The following NRG1 variants were observed in gnomAD, a reference collection of about 807,000 sequenced individuals.
The protein encoded by NRG1 is neuregulin 1, also known as pro-neuregulin-1, membrane-bound isoform.
A neutral mutation model predicts 63.8 loss-of-function variants in NRG1; 18 were observed. The observed-to-expected ratio is 0.28, with a 90% CI of 0.19 to 0.42. NRG1 has a LOEUF of 0.42. Ranked by LOEUF, NRG1 falls within the 10% of genes least tolerant of loss-of-function variation. NRG1 has a pLI of 1.00. For missense variants in NRG1, 762 were observed against 814.7 expected, an observed-to-expected ratio of 0.94 and a Z score of 0.79; for synonymous variants, 302 against 301.3, an observed-to-expected ratio of 1.00 and a Z score of -0.02.
chr8:31,689,120 G>A (rs143750173), intron 1 of NRG1, among the ~76,000 whole-genome samples: 24 of 152,210 alleles, frequency 1.6e-4, no homozygotes, highest in African/African-American at 5.3e-4. Context: ...ATTTCATGGG[G>A]CCCACCCAGA....
intron 1 of NRG1, among the ~76,000 whole-genome samples, chr8:31,770,982 T>C (rs1818568113): frequency 6.6e-6 from 1 of 152,054 alleles, no homozygotes; most frequent in Admixed American, 6.6e-5. Context: ...AACTAAACCA[T>C]AGATCTTTTC....
chr8:31,796,832 T>C (rs1248145168), intron 1 of NRG1, among the ~76,000 whole-genome samples: 6 of 152,150 alleles, frequency 3.9e-5, no homozygotes, highest in Non-Finnish European at 7.3e-5. Flanking sequence ...GAAATGTTTT[T>C]TTTCCAACCA....
chr8:32,021,058 C>T (rs755396224), intron 1 of NRG1, among the ~76,000 whole-genome samples: 9 of 152,038 alleles, frequency 5.9e-5, no homozygotes, highest in Non-Finnish European at 8.8e-5. Flanking sequence ...GTTGAAATTG[C>T]GTTATATGTT....
At chr8:31,819,741 C>G (rs1237097184) in intron 1 of NRG1, among the ~76,000 whole-genome samples, 1 of 152,266 alleles carries the variant, frequency 6.6e-6, no homozygotes, top group African/African-American at 2.4e-5. Flanking sequence ...TGACCTGAGC[C>G]AATTTCCTCT....
rs143504540 is a variant in NRG1 at position 32,620,680 on chromosome 8, C to T, written c.502+3795C>T. On this transcript the variant is annotated intron_variant, in intron 5 of 11. Transcript: ENST00000356819. The stretch of plus-strand genomic sequence containing the variant: ...TCTATAAAAAAATAAAGAAATTAGC[C>T]AGGCTTGGTGGCAGCCCTGAAGTCT... Among the ~76,000 whole-genome samples the T allele has an allele frequency of 8.8e-4, 134 of 151,798 alleles. 1 individual carries two copies. The highest frequency in any genetic ancestry group is 1.4e-3 in the Non-Finnish European group (92 of 67,918).
At chr8:32,450,377 T>C (rs893726566) in intron 1 of NRG1, among the ~76,000 whole-genome samples, 2 of 151,948 alleles carry the variant, frequency 1.3e-5, no homozygotes, top group East Asian at 1.9e-4. Context: ...GAATAGCCAC[T>C]GCACTCCTGC....
In NRG1 at chr8:32,101,024, C is replaced by T. The variant is rs1460111206; in HGVS notation, c.37+461593C>T. 9.6e-5 allele frequency among the ~76,000 whole-genome samples: 5 copies of T among 51,850 alleles called. No individual in the cohort carries two copies. In the Admixed American group the frequency reaches 1.1e-3, roughly 11 times the overall value. 34.0% of individuals were successfully genotyped at this position (51,850 alleles called of 152,430 possible). Reference sequence around the variant, plus strand: ...TTAGTGCCAAAATTTGTATTTATTCCCATATTGCTTTTTTTTTCCTAGGCA... The same window carrying T: ...TTAGTGCCAAAATTTGTATTTATTCTCATATTGCTTTTTTTTTCCTAGGCA... On this transcript the variant is annotated intron_variant, in intron 1 of 10. Coordinates refer to the NRG1 transcript ENST00000519301.
At chr8:32,244,999 A>G (rs564231565) in intron 1 of NRG1, among the ~76,000 whole-genome samples, 12 of 152,288 alleles carry the variant, frequency 7.9e-5, no homozygotes, top group Non-Finnish European at 1.5e-4. Context: ...TCTTGAAGCT[A>G]GGATGTCAAT....
At position 32,124,870 on chromosome 8, in the gene NRG1, A is replaced by G. The variant is rs539447932; in HGVS notation, c.38-470958A>G. 1.1e-4 allele frequency among the ~76,000 whole-genome samples: 16 copies of G among 152,026 alleles called. No homozygotes were observed. In the South Asian group the frequency reaches 1.7e-3, roughly 16 times the overall value. ...CAGTTAATTCTCTTAATAACCTATG[A>G]CATCAGCTCTATTATTAACCTCATT... On this transcript the variant is annotated intron_variant, in intron 1 of 10. Transcript: ENST00000519301.
At chr8:31,989,003 C>T (rs899161033) in intron 1 of NRG1, among the ~76,000 whole-genome samples, 2 of 151,942 alleles carry the variant, frequency 1.3e-5, no homozygotes, top group Non-Finnish European at 1.5e-5. Flanking sequence ...AATCCCAGCA[C>T]TTTAGGAGGC....
rs1023962426 is a variant in NRG1 at position 32,760,581 on chromosome 8, C to T, written c.1259+175C>T. 85 of 1,417,564 alleles carry T rather than the reference C, an allele frequency of 6.0e-5. 1 individual carries two copies. In the South Asian group the frequency reaches 9.8e-4, roughly 16 times the overall value. 87.8% of individuals were successfully genotyped at this position (1,417,564 alleles called of 1,614,324 possible). A position where few individuals can be genotyped will look rare whatever the true frequency, so the allele number is the denominator to read the frequency against. On this transcript the variant is annotated intron_variant, in intron 11 of 11. Transcript: ENST00000356819. ...TCTCTTTGTTTGACGGAACTTATTT[C>T]TTCTGAGCTTCTCTCGTCGTCCCAG...
In NRG1 at chr8:32,541,874, G is replaced by A. The variant is rs181692239; in HGVS notation, c.38-53954G>A. Among the ~76,000 whole-genome samples the A allele has an allele frequency of 1.2e-3, 177 of 152,288 alleles. 1 individual carries two copies. The highest frequency in any genetic ancestry group is 4.2e-3 in the Admixed American group (64 of 15,290). On this transcript the variant is annotated intron_variant, in intron 1 of 10. Transcript: ENST00000519301. ...GAGATTAAATCGAAACTCAAAGATA[G>A]TTCTAAGGTGTTTACTGGGTGTCAC...
intron 1 of NRG1, among the ~76,000 whole-genome samples, chr8:31,942,800 A>C (rs1801950810): frequency 6.6e-6 from 1 of 152,030 alleles, no homozygotes; most frequent in Admixed American, 6.5e-5. Flanking sequence ...GCTCAACATC[A>C]CTAATTATCA....
intron 1 of NRG1, among the ~76,000 whole-genome samples, chr8:31,822,277 T>C (rs776048557): frequency 6.6e-6 from 1 of 152,352 alleles, no homozygotes; most frequent in South Asian, 2.1e-4. Context: ...AGACAGAGGA[T>C]AAATGTTGTA....
At chr8:32,275,174 G>A (rs1017438297) in intron 1 of NRG1, among the ~76,000 whole-genome samples, 1 of 152,098 alleles carries the variant, frequency 6.6e-6, no homozygotes, top group African/African-American at 2.4e-5. Flanking sequence ...TGTTCCTGTG[G>A]AGCCTCCTTC....
At chr8:31,731,203 A>C (rs1167093396) in intron 1 of NRG1, among the ~76,000 whole-genome samples, 1 of 152,166 alleles carries the variant, frequency 6.6e-6, no homozygotes, top group Non-Finnish European at 1.5e-5. Context: ...CCAGACATGA[A>C]GGCAAAGCTA....
chr8:32,274,996 T>C (rs1851938496), intron 1 of NRG1, among the ~76,000 whole-genome samples: 1 of 152,104 alleles, frequency 6.6e-6, no homozygotes, highest in South Asian at 2.1e-4. Flanking sequence ...TCCCAAATCC[T>C]CTGCTTGGTC....
chr8:32,101,868 C>G (rs868592432), intron 1 of NRG1, among the ~76,000 whole-genome samples: 32 of 152,230 alleles, frequency 2.1e-4, no homozygotes, highest in Middle Eastern at 3.4e-3. Flanking sequence ...TAATATGTAA[C>G]TAGACCAGAT....
chr8:32,060,288 C>G (rs779596390), intron 1 of NRG1, among the ~76,000 whole-genome samples: 1 of 149,924 alleles, frequency 6.7e-6, no homozygotes, highest in Non-Finnish European at 1.5e-5. Context: ...TTTTTTTTAT[C>G]TAATAGAACT....
Sources: gnomAD v4.1 joint callset for allele counts (sites outside exome capture counted in the v4.1 genomes callset) on GRCh38, gnomAD v4.1.1 for gene constraint, MANE v1.5 for transcripts, NCBI Gene and HGNC (gene_info 2026-07-23, HGNC 2026-07-21) for gene names.